Variants in TENT5D observed in about 807,000 individuals in gnomAD.
TENT5D encodes cancer/testis antigen 112.
For missense variants in TENT5D, 191 were observed against 287.0 expected, an observed-to-expected ratio of 0.67 and a Z score of 2.42; for synonymous variants, 103 against 100.6, an observed-to-expected ratio of 1.02 and a Z score of -0.15.
At chrX:80,356,134 AT>A (rs1289667634) in intron 3 of TENT5D, among the ~76,000 whole-genome samples, 3 of 112,474 alleles carry the variant, frequency 2.7e-5, no homozygotes, top group Non-Finnish European at 5.6e-5. Context: ...AACTGTCTTC[AT>A]ATTCAGTTAC....
In TENT5D at chrX:80,429,454, C is replaced by T. The variant is rs1932043468; in HGVS notation, c.-142+8891C>T. ...AGTAGCTGGGATTACAGGTCCCTGC[C>T]ACCACGCCCAGCTAATTTTTTTTTT... is the stretch of plus-strand genomic sequence containing the variant. On this transcript the variant is annotated intron_variant, in intron 1 of 2. Transcript: ENST00000308293. Among the ~76,000 whole-genome samples the T allele has an allele frequency of 2.7e-5, 3 of 109,241 alleles. No individual in the cohort carries two copies. The South Asian group carries it at 1.2e-3, about 43-fold the overall frequency. The allele number at this position is 109,241 out of a possible 115,157, so 94.9% of individuals were successfully genotyped here.
At chrX:80,410,880 G>A (rs1386142491) in intron 3 of TENT5D, among the ~76,000 whole-genome samples, 17 of 106,405 alleles carry the variant, frequency 1.6e-4, no homozygotes, top group Non-Finnish European at 3.1e-4. Context: ...TTAAGAAAAT[G>A]TGGCACATAT....
At chrX:80,353,535 C>T (rs1467245941) in intron 3 of TENT5D, among the ~76,000 whole-genome samples, 4 of 111,336 alleles carry the variant, frequency 3.6e-5, no homozygotes, top group African/African-American at 9.8e-5. Flanking sequence ...GTGGTGTTTG[C>T]TTTTATTTTC....
intron 3 of TENT5D, among the ~76,000 whole-genome samples, chrX:80,378,813 A>G (rs937836178): frequency 9.0e-6 from 1 of 110,601 alleles, no homozygotes. Flanking sequence ...CTATCTGCAA[A>G]CAGAGACAAT....
chrX:80,388,379 G>T (rs775422128), intron 3 of TENT5D, among the ~76,000 whole-genome samples: 11 of 111,879 alleles, frequency 9.8e-5, no homozygotes, highest in Non-Finnish European at 7.5e-5. Flanking sequence ...AGAATCTCAC[G>T]CAAGGCCCAT....
chrX:80,368,939 A>G (rs1050209692), intron 3 of TENT5D, among the ~76,000 whole-genome samples: 7 of 111,636 alleles, frequency 6.3e-5, no homozygotes, highest in African/African-American at 2.3e-4. Flanking sequence ...ACCAGTTACT[A>G]TCACTTGTGA....
chrX:80,403,099 T>C (rs1482069959), intron 3 of TENT5D, among the ~76,000 whole-genome samples: 4 of 112,307 alleles, frequency 3.6e-5, no homozygotes, highest in Non-Finnish European at 7.5e-5. Context: ...AAAGTGGTTC[T>C]TCAAATGTTG....
intron 3 of TENT5D, among the ~76,000 whole-genome samples, chrX:80,344,985 T>C (rs757682856): frequency 9.0e-6 from 1 of 111,016 alleles, no homozygotes; most frequent in East Asian, 2.9e-4. Context: ...GATCTAGGTC[T>C]TTACCTATAA....
At chrX:80,436,890 G>A (rs188927069) in intron 1 of TENT5D, among the ~76,000 whole-genome samples, 116 of 111,794 alleles carry the variant, frequency 1.0e-3, no homozygotes, top group African/African-American at 3.5e-3. Context: ...TTGGTACAGA[G>A]ATCACTTTTG....
intron 3 of TENT5D, among the ~76,000 whole-genome samples, chrX:80,407,334 G>A (rs1931523159): frequency 9.0e-6 from 1 of 110,721 alleles, no homozygotes; most frequent in Non-Finnish European, 1.9e-5. Context: ...AGACCCATCA[G>A]TGTGCTGTAT....
chrX:80,423,192 T>C (rs1931922263), intron 1 of TENT5D, among the ~76,000 whole-genome samples: 1 of 112,004 alleles, frequency 8.9e-6, no homozygotes, highest in Non-Finnish European at 1.9e-5. Flanking sequence ...TATAAATCTT[T>C]ACCAGCTACA....
chrX:80,336,400 G>A (rs1179216317), intron 2 of TENT5D, among the ~76,000 whole-genome samples: 1 of 109,926 alleles, frequency 9.1e-6, no homozygotes, highest in Non-Finnish European at 1.9e-5. Flanking sequence ...CAAGGTTCTA[G>A]GAAAGTACAG....
chrX:80,372,903 A>C (rs1930653485), intron 3 of TENT5D, among the ~76,000 whole-genome samples: 1 of 108,931 alleles, frequency 9.2e-6, no homozygotes, highest in Non-Finnish European at 1.9e-5. Context: ...AAAAAAAAAA[A>C]AGGATTAGGT....
intron 3 of TENT5D, among the ~76,000 whole-genome samples, chrX:80,342,909 T>C (rs1322789955): frequency 9.0e-6 from 1 of 110,500 alleles, no homozygotes; most frequent in Non-Finnish European, 1.9e-5. Context: ...ACTAGCATTT[T>C]TTTCTGTTAG....
At chrX:80,337,890 G>A (rs981475668) in intron 2 of TENT5D, among the ~76,000 whole-genome samples, 2 of 110,033 alleles carry the variant, frequency 1.8e-5, no homozygotes, top group Non-Finnish European at 3.8e-5. Flanking sequence ...TCAGCCTCCC[G>A]AGTAGCTGGG....
chrX:80,363,861 G>A lies in TENT5D; in HGVS notation c.-142+21297G>A, dbSNP rs1459934864. ...TTTAAGATATGCGGTGTGATGTTTTGATACATGTAGACATTGTGAAATGTT... is the reference window on the plus strand; with the variant it reads ...TTTAAGATATGCGGTGTGATGTTTTAATACATGTAGACATTGTGAAATGTT... On this transcript the variant is annotated intron_variant, in intron 3 of 4. Coordinates refer to the TENT5D transcript ENST00000538312. Among the ~76,000 whole-genome samples the A allele has an allele frequency of 2.7e-5, 3 of 112,318 alleles. No homozygotes were observed. In the East Asian group the frequency reaches 8.4e-4, roughly 31 times the overall value.
At chrX:80,440,068 C>A (rs1170291859) in intron 2 of TENT5D, among the ~76,000 whole-genome samples, 1 of 111,538 alleles carries the variant, frequency 9.0e-6, no homozygotes. Flanking sequence ...CACGCAAGGA[C>A]ACCGTTTCTC....
intron 3 of TENT5D, among the ~76,000 whole-genome samples, chrX:80,414,441 T>G (rs773277809): frequency 8.9e-6 from 1 of 111,830 alleles, no homozygotes; most frequent in South Asian, 3.8e-4. Flanking sequence ...TTAGGTTTAT[T>G]TTGCCAAGGT....
At chrX:80,356,887 A>G (rs762075711) in intron 3 of TENT5D, among the ~76,000 whole-genome samples, 1 of 110,940 alleles carries the variant, frequency 9.0e-6, no homozygotes, top group South Asian at 3.9e-4. Context: ...CATTAGGTAT[A>G]TCTCCTAATG....
Sources: allele counts gnomAD v4.1 joint callset (sites outside exome capture counted in the v4.1 genomes callset), GRCh38; gene constraint gnomAD v4.1.1; transcripts MANE v1.5; gene names NCBI Gene and HGNC (gene_info 2026-07-23, HGNC 2026-07-21).